Variants in PTPRD observed in about 807,000 individuals in gnomAD.
PTPRD encodes the protein receptor-type tyrosine-protein phosphatase delta.
PTPRD carries 34 observed loss-of-function variants against 214.5 expected under a neutral mutation model. That is an observed-to-expected ratio of 0.16 (90% CI 0.12 to 0.21). The LOEUF is 0.21. PTPRD is among the 10% of genes least tolerant of loss of function. PTPRD has a pLI of 1.00. For synonymous variants in PTPRD, 1,128 were observed against 845.7 expected (o/e 1.33, Z -5.79); for missense variants, 2,545 against 2,398.7 (o/e 1.06, Z -1.27).
chr9:9,632,637 T>G (rs2095629689), intron 7 of PTPRD, among the ~76,000 whole-genome samples: 1 of 151,968 alleles, frequency 6.6e-6, no homozygotes, highest in South Asian at 2.1e-4. Context: ...GAGAGATAGT[T>G]CAAATGTTGG....
intron 9 of PTPRD, among the ~76,000 whole-genome samples, chr9:9,385,713 T>C (rs987122328): frequency 1.3e-5 from 2 of 152,168 alleles, no homozygotes; most frequent in Non-Finnish European, 2.9e-5. Context: ...CATTAAACCA[T>C]GTACTTTTCT....
intron 10 of PTPRD, among the ~76,000 whole-genome samples, chr9:9,082,264 C>A (rs1031890229): frequency 6.6e-6 from 1 of 152,090 alleles, no homozygotes; most frequent in Admixed American, 6.6e-5. Flanking sequence ...CCACCACGAC[C>A]AAGTTAGCTT....
chr9:8,882,884 C>CAAAAAAAAAAAAAAAAA (rs759863465), intron 11 of PTPRD, among the ~76,000 whole-genome samples: 9 of 101,006 alleles, frequency 8.9e-5, no homozygotes, highest in Middle Eastern at 5.9e-3. Context: ...GGCTCTGTCT[C>CAAAAAAAAAAAAAAAAA]AAAAAAAAAA....
rs928393121 is a variant in PTPRD at position 9,195,602 on chromosome 9, A to G, written c.-202-12239T>C. ...TTGGTTTTATTTTCCTCAATTCATC[A>G]CACAACTTGAAACCTTTCATTTGAA... is the stretch of plus-strand genomic sequence containing the variant. On this transcript the variant is annotated intron_variant, in intron 9 of 45. Coordinates refer to ENST00000381196, the MANE Select transcript of PTPRD (RefSeq NM_002839.4). Among the ~76,000 whole-genome samples the G allele has an allele frequency of 1.2e-4, 18 of 152,050 alleles. 1 individual carries two copies. The highest frequency in any genetic ancestry group is 4.3e-4 in the African/African-American group (18 of 41,414).
At chr9:10,261,557 G>T (rs990205948) in intron 3 of PTPRD, among the ~76,000 whole-genome samples, 2 of 152,064 alleles carry the variant, frequency 1.3e-5, no homozygotes, top group African/African-American at 2.4e-5. Context: ...CATATGTATA[G>T]AGAGAGTTGG....
intron 3 of PTPRD, among the ~76,000 whole-genome samples, chr9:10,065,156 A>AAAGAAAGAAAGAAAGAAAGG (rs1295931062): frequency 2.7e-5 from 4 of 148,972 alleles, no homozygotes; most frequent in Non-Finnish European, 6.0e-5. Flanking sequence ...AGAAAGAAAG[A>AAAGAAAGAAAGAAAGAAAGG]AAGAAAGAAA....
intron 2 of PTPRD, among the ~76,000 whole-genome samples, chr9:10,417,603 C>A (rs1244137461): frequency 6.6e-6 from 1 of 151,340 alleles, no homozygotes; most frequent in Admixed American, 6.6e-5. Context: ...AACCATATAT[C>A]AATAATAACA....
intron 12 of PTPRD, among the ~76,000 whole-genome samples, chr9:8,667,783 T>C (rs2097198786): frequency 6.6e-6 from 1 of 151,908 alleles, no homozygotes; most frequent in South Asian, 2.1e-4. Flanking sequence ...AAAATAAAAA[T>C]CCAAAATCTG....
intron 2 of PTPRD, among the ~76,000 whole-genome samples, chr9:10,551,081 C>A (rs543517942): frequency 1.3e-5 from 2 of 152,130 alleles, no homozygotes; most frequent in Non-Finnish European, 2.9e-5. Context: ...TGCCTGTAAT[C>A]GCAGTCCTTT....
intron 11 of PTPRD, among the ~76,000 whole-genome samples, chr9:8,886,458 G>A (rs2098489034): frequency 6.6e-6 from 1 of 152,166 alleles, no homozygotes; most frequent in South Asian, 2.1e-4. Context: ...GCCATGTCAT[G>A]ATATAGATGT....
intron 3 of PTPRD, among the ~76,000 whole-genome samples, chr9:10,224,839 G>C (rs1404543786): frequency 6.6e-6 from 1 of 151,856 alleles, no homozygotes; most frequent in African/African-American, 2.4e-5. Flanking sequence ...TTAACAGCTA[G>C]TAAATACATT....
chr9:9,809,423 A>G (rs2046447382), intron 5 of PTPRD, among the ~76,000 whole-genome samples: 1 of 151,568 alleles, frequency 6.6e-6, no homozygotes, highest in African/African-American at 2.4e-5. Flanking sequence ...GCCCACCACC[A>G]CGCCTGGCTA....
At chr9:8,496,810 G>T (rs1051245319) in intron 26 of PTPRD, among the ~76,000 whole-genome samples, 1 of 152,170 alleles carries the variant, frequency 6.6e-6, no homozygotes, top group African/African-American at 2.4e-5. Flanking sequence ...ACACAAACTT[G>T]TAAACTTTCT....
intron 9 of PTPRD, among the ~76,000 whole-genome samples, chr9:9,235,853 C>CT (rs71319207): frequency 4.6e-5 from 7 of 151,826 alleles, no homozygotes; most frequent in Admixed American, 3.9e-4. Flanking sequence ...ACTCTGGTGA[C>CT]TTTTTTTTTG....
rs868082349 is a variant in PTPRD, at chr9:10,048,094, C to T, written c.-544-14304G>A. Among the ~76,000 whole-genome samples, 3 of 152,152 alleles carry T rather than the reference C, an allele frequency of 2.0e-5. No individual in the cohort carries two copies. The South Asian group carries it at 6.2e-4, about 32-fold the overall frequency. On this transcript the variant is annotated intron_variant, in intron 3 of 45. Coordinates refer to ENST00000381196, the MANE Select transcript of PTPRD (RefSeq NM_002839.4). ...CTATTTCTCGCTGCAAAGCAGAAAA[C>T]ATATACAAGGTTTCCTACGTGAGAC...
In PTPRD at chr9:9,524,118, C is replaced by T. The variant is rs372940668; in HGVS notation, c.-237+50614G>A. On this transcript the variant is annotated intron_variant, in intron 8 of 45. Transcript: ENST00000381196. ...CTGTATGTTACCAAGAGGAAAGACCCAGCTTGAAAACAGAGCCAGCAAAGG... is the reference window on the plus strand; with the variant it reads ...CTGTATGTTACCAAGAGGAAAGACCTAGCTTGAAAACAGAGCCAGCAAAGG... 3.9e-5 allele frequency among the ~76,000 whole-genome samples: 6 copies of T among 152,202 alleles called. 1 individual carries two copies. Among genetic ancestry groups the T allele is most frequent in the African/African-American group, 1.4e-4 (6 of 41,528 alleles).
chr9:9,377,999 A>C (rs1045371836), intron 9 of PTPRD, among the ~76,000 whole-genome samples: 2 of 152,052 alleles, frequency 1.3e-5, no homozygotes, highest in Non-Finnish European at 2.9e-5. Context: ...CCTCTCCCAC[A>C]TATGCACAAC....
chr9:8,984,657 A>C (rs2099330156), intron 11 of PTPRD, among the ~76,000 whole-genome samples: 1 of 152,100 alleles, frequency 6.6e-6, no homozygotes, highest in Admixed American at 6.6e-5. Context: ...TTGGCAAGTT[A>C]ACCTCTCACT....
chr9:10,301,743 C>T (rs2154407267), intron 3 of PTPRD, among the ~76,000 whole-genome samples: 1 of 152,170 alleles, frequency 6.6e-6, no homozygotes, highest in Non-Finnish European at 1.5e-5. Context: ...AAGAAATGAA[C>T]AAAGACTCCA....
Sources: gnomAD v4.1 joint callset for allele counts (sites outside exome capture counted in the v4.1 genomes callset) on GRCh38, gnomAD v4.1.1 for gene constraint, MANE v1.5 for transcripts, NCBI Gene and HGNC (gene_info 2026-07-23, HGNC 2026-07-21) for gene names.